DYNC2H1: variants seen among roughly 807,000 people sequenced by gnomAD.
DYNC2H1 encodes the protein cytoplasmic dynein 2 heavy chain 1.
Under a neutral mutation model 570.0 loss-of-function variants are expected in DYNC2H1, and 410 were observed. The ratio of observed to expected loss-of-function variants is 0.72; its 90% CI spans 0.66 to 0.78. DYNC2H1 has a LOEUF of 0.78. Among genes scored for constraint, DYNC2H1 ranks in the 30% least tolerant of loss-of-function variants. DYNC2H1 has a pLI of 0.00. For synonymous variants in DYNC2H1, 1,688 were observed against 1,677.6 expected (o/e 1.01, Z -0.15); for missense variants, 4,865 against 5,046.4 (o/e 0.96, Z 1.09).
At chr11:103,213,712 A>G (rs1183584294) in intron 54 of DYNC2H1, among the ~76,000 whole-genome samples, 1 of 151,844 alleles carries the variant, frequency 6.6e-6, no homozygotes, top group African/African-American at 2.4e-5. Flanking sequence ...AATTTCTTGT[A>G]TAATCTACAT....
chr11:103,233,879 G>GTGT (rs1591449500), intron 60 of DYNC2H1, among the ~76,000 whole-genome samples, 155 bp from the exon 61 acceptor site: 2 of 45,142 alleles, frequency 4.4e-5, no homozygotes, highest in East Asian at 4.2e-4. Flanking sequence ...TGTGTGTGTG[G>GTGT]GTTTGTCTCT....
At chr11:103,286,148 A>AT in intron 73 of DYNC2H1, 107 bp from the exon 74 acceptor site, 2 of 1,423,702 alleles carry the variant, frequency 1.4e-6, no homozygotes, top group Non-Finnish European at 1.9e-6. Context: ...TAGAAGAGTA[A>AT]TAAACATCAA....
At chr11:103,444,260 C>A (rs1030833372) in intron 85 of DYNC2H1, among the ~76,000 whole-genome samples, 13 of 151,608 alleles carry the variant, frequency 8.6e-5, no homozygotes, top group African/African-American at 2.9e-4. Context: ...TCTTTAAATT[C>A]TTCTCTTGCT....
intron 4 of DYNC2H1, 139 bp from the exon 5 acceptor site, chr11:103,116,431 T>C: frequency 2.0e-6 from 1 of 500,884 alleles, no homozygotes; most frequent in South Asian, 7.4e-5. Flanking sequence ...GAAGTAGTTA[T>C]AAGCTGTTAG....
intron 70 of DYNC2H1, among the ~76,000 whole-genome samples, chr11:103,262,458 C>A (rs1036923428): frequency 2.0e-5 from 3 of 152,004 alleles, no homozygotes; most frequent in African/African-American, 7.3e-5. Context: ...AGAGAAAGGT[C>A]GGGTTACTCA....
chr11:103,119,096 T>A (rs1189178746), intron 6 of DYNC2H1, among the ~76,000 whole-genome samples: 4 of 152,192 alleles, frequency 2.6e-5, no homozygotes, highest in Non-Finnish European at 5.9e-5. Flanking sequence ...TATAGATAAT[T>A]GCTTATTTCT....
chr11:103,162,985 T>C (rs1039399890), intron 29 of DYNC2H1, 43 bp from the exon 30 acceptor site: 5 of 1,544,900 alleles, frequency 3.2e-6, no homozygotes, highest in Non-Finnish European at 4.4e-6. Flanking sequence ...TTTTCCAGTT[T>C]ATTTTATGTC....
At chr11:103,294,961 T>C (rs10895392) in intron 75 of DYNC2H1, among the ~76,000 whole-genome samples, 25,121 of 152,118 alleles carry the variant, frequency 0.17, 2,254 homozygotes, top group Admixed American at 0.25. Flanking sequence ...TGCCTTCCTC[T>C]AAAGAGAAGG....
chr11:103,256,241 G>C lies in DYNC2H1; in HGVS notation c.10461+1G>C, dbSNP rs1057518898. On this transcript the variant is annotated splice_donor_variant, in intron 68 of 88. Coordinates refer to ENST00000375735, the MANE Select transcript of DYNC2H1 (RefSeq NM_001377.3). LOFTEE classifies it high-confidence loss of function. The surrounding 1 kb of genome is among the most constrained non-coding windows in gnomAD (Gnocchi z 4.0). ...CAAACTCCAAATTTCCCTTGATCAA[G>C]TAATTATTTCCTTCTTTGTAATTTC... The C allele has an allele frequency of 6.3e-7, 1 of 1,592,408 alleles. No individual in the cohort carries two copies.
rs1161041221 is a variant in DYNC2H1, at chr11:103,158,673, G to A, written c.4128-4G>A. The A allele has an allele frequency of 1.3e-6, 2 of 1,512,696 alleles. No individual in the cohort carries two copies. Among genetic ancestry groups the A allele is most frequent in the Admixed American group, 2.3e-5 (1 of 42,838 alleles). The allele number at this position is 1,512,696 out of a possible 1,614,324, so 93.7% of individuals were successfully genotyped here. On this transcript the variant is annotated splice_polypyrimidine_tract_variant and splice_region_variant and intron_variant, in intron 26 of 88. Transcript: ENST00000375735. ...ATGTGAAGATACTTTTTTTTCTTTT[G>A]TAGATCAATAATGACTGATATCAAG...
intron 67 of DYNC2H1, among the ~76,000 whole-genome samples, 169 bp downstream of exon 67, chr11:103,255,703 A>G (rs192872759): frequency 8.3e-4 from 127 of 152,232 alleles, no homozygotes; most frequent in Admixed American, 1.9e-3. Context: ...ATGTTTTGGA[A>G]TACAAGATCT....
intron 84 of DYNC2H1, among the ~76,000 whole-genome samples, chr11:103,410,420 C>T (rs1565574561): frequency 6.6e-6 from 1 of 152,008 alleles, no homozygotes; most frequent in East Asian, 1.9e-4. Flanking sequence ...TACTCTATAA[C>T]CTTTTTAGGG....
intron 84 of DYNC2H1, among the ~76,000 whole-genome samples, chr11:103,423,746 T>C (rs1166084777): frequency 6.6e-6 from 1 of 151,828 alleles, no homozygotes; most frequent in Non-Finnish European, 1.5e-5. Flanking sequence ...AACATCTCAA[T>C]TATAAAAATG....
intron 79 of DYNC2H1, among the ~76,000 whole-genome samples, chr11:103,314,585 T>C (rs1937707681): frequency 6.6e-6 from 1 of 152,032 alleles, no homozygotes; most frequent in Admixed American, 6.6e-5. Context: ...TATGTATTTT[T>C]AGAAATCTGT....
At chr11:103,147,272 C>A (rs61898614) in intron 18 of DYNC2H1, among the ~76,000 whole-genome samples, 13,383 of 152,090 alleles carry the variant, frequency 0.088, 775 homozygotes, top group Non-Finnish European at 0.12. Flanking sequence ...CCATTCATTA[C>A]ATTTTTTTTC....
intron 87 of DYNC2H1, among the ~76,000 whole-genome samples, chr11:103,460,683 T>TAA (rs1328371153): frequency 2.6e-5 from 4 of 151,226 alleles, no homozygotes; most frequent in South Asian, 4.2e-4. Flanking sequence ...TGTATATATA[T>TAA]AATGAATGTA....
chr11:103,322,002 G>T (rs1041970605), intron 81 of DYNC2H1, among the ~76,000 whole-genome samples: 5 of 151,508 alleles, frequency 3.3e-5, no homozygotes, highest in African/African-American at 1.2e-4. Flanking sequence ...CCTTCATTTG[G>T]CACATAATTG....
intron 83 of DYNC2H1, among the ~76,000 whole-genome samples, chr11:103,399,309 ATTTTTTTT>A (rs771285549): frequency 5.0e-4 from 47 of 93,744 alleles, no homozygotes; most frequent in Admixed American, 4.3e-3. Context: ...TATTCGGCTA[ATTTTTTTT>A]TTTTTTTTTT....
rs1332581015 is a variant in DYNC2H1 at position 103,173,205 on chromosome 11, C to T, written c.5458C>T (p.Pro1820Ser). ...TTTCAGGCCCGTAGCTATGTCTCAT[C>T]CAGACAATGAGCTTATTGCAGAAGT... ...QLFRPVAMSH[P>S]DNELIAEVIL... Residue 1820 changes from proline to serine, a missense_variant, in exon 35 of 89, where the codon CCA becomes TCA. Transcript: ENST00000375735. 11 of 1,602,272 alleles carry T rather than the reference C, an allele frequency of 6.9e-6. No individual in the cohort carries two copies. In the Admixed American group the frequency reaches 1.7e-4, roughly 25 times the overall value.
Sources: gnomAD v4.1 joint callset for allele counts (sites outside exome capture counted in the v4.1 genomes callset) on GRCh38, gnomAD v4.1.1 for gene constraint, Gnocchi (gnomAD v3.1) non-coding constraint, MANE v1.5 for transcripts, NCBI Gene and HGNC (gene_info 2026-07-23, HGNC 2026-07-21) for gene names.